SCAPER: variants seen among roughly 807,000 people sequenced by gnomAD.
The protein encoded by SCAPER is S-phase cyclin A associated protein in the ER, also known as S phase cyclin A-associated protein in the endoplasmic reticulum.
Under a neutral mutation model 182.2 loss-of-function variants are expected in SCAPER, and 98 were observed. That is an observed-to-expected ratio of 0.54 (90% CI 0.46 to 0.64). The LOEUF is 0.64. Among genes scored for constraint, SCAPER ranks in the 30% least tolerant of loss-of-function variants. SCAPER has a pLI of 0.00. For synonymous variants in SCAPER, 605 were observed against 564.6 expected (o/e 1.07, Z -1.01); for missense variants, 1,432 against 1,690.0 (o/e 0.85, Z 2.68).
intron 17 of SCAPER, among the ~76,000 whole-genome samples, chr15:76,726,260 TGA>T (rs1158878949): frequency 6.7e-6 from 1 of 149,940 alleles, no homozygotes; most frequent in Admixed American, 6.7e-5. Context: ...AATAAGCACA[TGA>T]AAAGATGCTT....
intron 29 of SCAPER, among the ~76,000 whole-genome samples, chr15:76,366,086 TACACACACACACACACAC>T (rs59741618): frequency 6.7e-5 from 10 of 149,432 alleles, no homozygotes; most frequent in South Asian, 2.1e-4. Context: ...CTTACACACT[TACACACACACACACACAC>T]ACACACACAC....
At chr15:76,689,186 C>G (rs2058209906) in intron 20 of SCAPER, among the ~76,000 whole-genome samples, 2 of 151,966 alleles carry the variant, frequency 1.3e-5, no homozygotes, top group Non-Finnish European at 2.9e-5. Context: ...AAATGAAAAT[C>G]AAACTGTCCT....
intron 26 of SCAPER, among the ~76,000 whole-genome samples, chr15:76,428,584 A>G (rs1474915677): frequency 6.6e-6 from 1 of 152,016 alleles, no homozygotes; most frequent in African/African-American, 2.4e-5. Flanking sequence ...GAGAAGTTGA[A>G]GTTGGTATCC....
intron 23 of SCAPER, among the ~76,000 whole-genome samples, chr15:76,523,660 A>T (rs1334997739): frequency 6.6e-6 from 1 of 152,108 alleles, no homozygotes; most frequent in Non-Finnish European, 1.5e-5. Flanking sequence ...ATTGCATAGT[A>T]CATATTATAA....
chr15:76,668,104 A>G (rs1223852686), intron 20 of SCAPER, among the ~76,000 whole-genome samples: 1 of 152,182 alleles, frequency 6.6e-6, no homozygotes, highest in Non-Finnish European at 1.5e-5. Context: ...AGTGTTCTCT[A>G]TTTGAGTAAA....
intron 20 of SCAPER, among the ~76,000 whole-genome samples, chr15:76,667,790 T>C (rs1200854202): frequency 2.0e-5 from 3 of 151,806 alleles, no homozygotes; most frequent in African/African-American, 7.3e-5. Flanking sequence ...CCGTCTCTAC[T>C]AAAAATACAA....
intron 23 of SCAPER, among the ~76,000 whole-genome samples, chr15:76,533,673 T>C (rs1004119987): frequency 6.6e-6 from 1 of 151,898 alleles, no homozygotes; most frequent in Admixed American, 6.5e-5. Flanking sequence ...TTAAAATTAT[T>C]ACACATTTCC....
chr15:76,542,244 T>C (rs1234912324), intron 23 of SCAPER, among the ~76,000 whole-genome samples: 5 of 152,016 alleles, frequency 3.3e-5, no homozygotes, highest in Non-Finnish European at 5.9e-5. Flanking sequence ...CAACTCTGGC[T>C]GGGGGCAGTG....
chr15:76,763,003 C>T (rs1263779398), intron 14 of SCAPER, among the ~76,000 whole-genome samples: 2 of 152,158 alleles, frequency 1.3e-5, no homozygotes, highest in African/African-American at 4.8e-5. Context: ...CTGTACCACC[C>T]TTACAGTATT....
At chr15:76,437,141 A>G (rs1271098745) in intron 25 of SCAPER, among the ~76,000 whole-genome samples, 1 of 152,140 alleles carries the variant, frequency 6.6e-6, no homozygotes, top group Non-Finnish European at 1.5e-5. Flanking sequence ...TCACTTGGCT[A>G]TACATATAGT....
intron 20 of SCAPER, among the ~76,000 whole-genome samples, chr15:76,695,223 A>G (rs1426808941): frequency 6.6e-6 from 1 of 152,218 alleles, no homozygotes; most frequent in Non-Finnish European, 1.5e-5. Flanking sequence ...ATCTGTTAAG[A>G]GTCAACTTAA....
At chr15:76,693,613 A>T (rs1567819280) in intron 20 of SCAPER, among the ~76,000 whole-genome samples, 1 of 152,228 alleles carries the variant, frequency 6.6e-6, no homozygotes, top group Non-Finnish European at 1.5e-5. Flanking sequence ...ATGGCTATAC[A>T]AAATATAGTA....
intron 15 of SCAPER, among the ~76,000 whole-genome samples, chr15:76,751,015 A>T (rs2062055978): frequency 6.6e-6 from 1 of 151,758 alleles, no homozygotes; most frequent in Non-Finnish European, 1.5e-5. Flanking sequence ...AAATTGTTAG[A>T]AGTAGTAAAA....
In SCAPER at chr15:76,680,597, C is replaced by T. The variant is rs73461327; in HGVS notation, c.2509-14808G>A. On this transcript the variant is annotated intron_variant, in intron 20 of 31. Transcript: ENST00000563290. ...AGTTATTGGGTGATGGGGGTGGATG[C>T]CTTATGATTAGATAAAGGCCCTTCC... 4.4e-3 allele frequency among the ~76,000 whole-genome samples: 666 copies of T among 152,070 alleles called. 7 individuals are homozygous for T. Among genetic ancestry groups the T allele is most frequent in the African/African-American group, 0.015 (634 of 41,486 alleles).
chr15:76,857,405 C>A (rs2071485247), intron 4 of SCAPER, among the ~76,000 whole-genome samples: 1 of 151,130 alleles, frequency 6.6e-6, no homozygotes, highest in African/African-American at 2.4e-5. Context: ...TGCACTCCAG[C>A]CTGGGCAACA....
At chr15:76,854,431 T>C (rs1484690069) in intron 4 of SCAPER, among the ~76,000 whole-genome samples, 3 of 151,830 alleles carry the variant, frequency 2.0e-5, no homozygotes, top group African/African-American at 7.3e-5. Flanking sequence ...CAAGAAGAAT[T>C]ACAAAACACT....
intron 4 of SCAPER, among the ~76,000 whole-genome samples, chr15:76,850,122 C>G (rs997865824): frequency 6.6e-6 from 1 of 152,158 alleles, no homozygotes; most frequent in African/African-American, 2.4e-5. Flanking sequence ...CAAACCATAT[C>G]GCTAACATAC....
chr15:76,524,489 A>T, intron 23 of SCAPER, among the ~76,000 whole-genome samples: 1 of 152,242 alleles, frequency 6.6e-6, no homozygotes, highest in Middle Eastern at 3.4e-3. Context: ...ATTAGAAACA[A>T]GATCAATATA....
intron 25 of SCAPER, among the ~76,000 whole-genome samples, chr15:76,436,605 AATT>A (rs2047213416): frequency 6.6e-6 from 1 of 151,892 alleles, no homozygotes; most frequent in African/African-American, 2.4e-5. Context: ...ATCTTTGTGA[AATT>A]ATACTTTTTA....
Sources: gnomAD v4.1 joint callset for allele counts (sites outside exome capture counted in the v4.1 genomes callset) on GRCh38, gnomAD v4.1.1 for gene constraint, MANE v1.5 for transcripts, NCBI Gene and HGNC (gene_info 2026-07-23, HGNC 2026-07-21) for gene names.